Variants in LBH observed in about 807,000 individuals in gnomAD.
LBH encodes LBH regulator of Wnt signaling pathway.
A neutral mutation model predicts 12.5 loss-of-function variants in LBH; 7 were observed. The ratio of observed to expected loss-of-function variants is 0.56; its 90% CI spans 0.32 to 1.05. The LOEUF is 1.05. Ranked by LOEUF, LBH falls within the 50% of genes least tolerant of loss-of-function variation. The probability of loss-of-function intolerance (pLI) is 0.04; values close to 1 mark genes in which losing one functional copy is unlikely to be tolerated. For missense variants in LBH, 119 were observed against 138.9 expected (o/e 0.86, Z 0.72); for synonymous variants, 51 against 50.1 (o/e 1.02, Z -0.08).
Position 30,257,491 on chromosome 2 carries a change from C to G in LBH, c.188C>G (p.Ser63Cys). ...RCCKLKDRLP[S>C]IVVEPTEGEV... ...TGCAAACTGAAGGACCGTCTGCCCT[C>G]CATAGTGGTGGAACCCACAGAAGGG... The change falls in exon 3 of 3, where the codon TCC (serine) becomes TGC (cysteine). Residue 63 changes from serine to cysteine, a missense_variant. Coordinates refer to ENST00000395323, the MANE Select transcript of LBH (RefSeq NM_030915.4). 1.2e-6 allele frequency: 2 copies of G among 1,614,238 alleles called. No individual in the cohort carries two copies. The highest frequency in any genetic ancestry group is 1.7e-6 in the Non-Finnish European group (2 of 1,180,030).
chr2:30,232,359 G>C (rs1268166757), intron 1 of LBH: 1 of 1,086,126 alleles, frequency 9.2e-7, no homozygotes, highest in Non-Finnish European at 1.2e-6. Flanking sequence ...GACGCACATT[G>C]GTGGGGGCCG....
chr2:30,242,522 C>T (rs569101306), intron 2 of LBH, among the ~76,000 whole-genome samples: 11 of 152,196 alleles, frequency 7.2e-5, no homozygotes, highest in African/African-American at 2.2e-4. Context: ...GGATTACAGG[C>T]GTGAGCCACC....
chr2:30,242,259 T>G (rs1189228209), intron 2 of LBH, among the ~76,000 whole-genome samples: 1 of 152,072 alleles, frequency 6.6e-6, no homozygotes, highest in African/African-American at 2.4e-5. Context: ...CTTTTTTTTT[T>G]TGGAGATAGA....
At chr2:30,232,001 C>A (rs926461680) in intron 1 of LBH, among the ~76,000 whole-genome samples, 2 of 151,850 alleles carry the variant, frequency 1.3e-5, no homozygotes, top group African/African-American at 4.8e-5. Context: ...ACCTAAGTGA[C>A]GGCCGGAGGG....
chr2:30,233,410 T>A (rs1316124485), intron 1 of LBH, among the ~76,000 whole-genome samples: 2 of 152,212 alleles, frequency 1.3e-5, no homozygotes, highest in Non-Finnish European at 2.9e-5. Context: ...ATCTATGTAG[T>A]AACCATACAA....
chr2:30,238,784 C>T (rs1677733419), intron 2 of LBH, among the ~76,000 whole-genome samples: 1 of 152,096 alleles, frequency 6.6e-6, no homozygotes, highest in Non-Finnish European at 1.5e-5. Context: ...GTCTGAAGGA[C>T]CATTGTGGGT....
chr2:30,246,768 C>CTTTCTCTTTCTT (rs1553334693), intron 2 of LBH, among the ~76,000 whole-genome samples: 8 of 147,846 alleles, frequency 5.4e-5, no homozygotes, highest in African/African-American at 1.7e-4. Context: ...TTCCTTCTTT[C>CTTTCTCTTTCTT]TCTTTCTTTC....
chr2:30,251,015 T>C (rs1459066669), intron 2 of LBH, among the ~76,000 whole-genome samples: 2 of 151,564 alleles, frequency 1.3e-5, no homozygotes, highest in Non-Finnish European at 2.9e-5. Flanking sequence ...AAAATAACAC[T>C]TTAGCCACCA....
intron 2 of LBH, among the ~76,000 whole-genome samples, chr2:30,250,026 A>C (rs977331498): frequency 5.3e-5 from 8 of 152,194 alleles, no homozygotes; most frequent in African/African-American, 1.7e-4. Context: ...CTCGGGAGGC[A>C]GCTGAGGCTC....
At chr2:30,239,780 C>A (rs1381281151) in intron 2 of LBH, among the ~76,000 whole-genome samples, 1 of 152,236 alleles carries the variant, frequency 6.6e-6, no homozygotes, top group African/African-American at 2.4e-5. Context: ...CCCGTGTCTG[C>A]ACATTCTGCC....
At chr2:30,242,128 T>G (rs981223994) in intron 2 of LBH, among the ~76,000 whole-genome samples, 3 of 152,236 alleles carry the variant, frequency 2.0e-5, no homozygotes, top group African/African-American at 7.2e-5. Flanking sequence ...TAAATCTTTG[T>G]GCATACTTTA....
chr2:30,258,679 G>C lies in LBH; in HGVS notation c.*1058G>C, dbSNP rs973051876. ...CCCAGCTGCAGTACTCACGCCCCAT[G>C]GGGGATCTTGGTCTGTTTTTCTTGT... On this transcript the variant is annotated 3_prime_UTR_variant, in exon 3 of 3. Coordinates refer to ENST00000395323, the MANE Select transcript of LBH (RefSeq NM_030915.4). The C allele has an allele frequency of 6.6e-6, 1 of 152,506 alleles. No individual in the cohort carries two copies. Among genetic ancestry groups the C allele is most frequent in the African/African-American group, 2.4e-5 (1 of 41,464 alleles). The allele number at this position is 152,506 out of a possible 1,614,324, so 9.4% of individuals were successfully genotyped here.
chr2:30,238,999 C>T (rs1174431209), intron 2 of LBH, among the ~76,000 whole-genome samples: 1 of 150,996 alleles, frequency 6.6e-6, no homozygotes, highest in Non-Finnish European at 1.5e-5. Context: ...AAGCGATTCT[C>T]CTGCTTCAGC....
chr2:30,250,165 A>T (rs1256744842), intron 2 of LBH, among the ~76,000 whole-genome samples: 1 of 152,080 alleles, frequency 6.6e-6, no homozygotes, highest in Non-Finnish European at 1.5e-5. Flanking sequence ...GTTTGGGCTG[A>T]TTGTTCTTAC....
At chr2:30,254,062 G>A (rs886306160) in intron 2 of LBH, among the ~76,000 whole-genome samples, 1 of 152,136 alleles carries the variant, frequency 6.6e-6, no homozygotes, top group African/African-American at 2.4e-5. Flanking sequence ...TGTGCTTCAG[G>A]TTTCTTATCC....
chr2:30,236,665 C>G (rs988162068), intron 2 of LBH, among the ~76,000 whole-genome samples: 7 of 152,200 alleles, frequency 4.6e-5, no homozygotes. Context: ...CTGTGCTGGC[C>G]TCTGTGCCCA....
In LBH at chr2:30,259,182, T is replaced by A. The variant is rs1381592421; in HGVS notation, c.*1561T>A. On this transcript the variant is annotated 3_prime_UTR_variant, in exon 3 of 3. Coordinates refer to ENST00000395323, the MANE Select transcript of LBH (RefSeq NM_030915.4). ...AGGTTGACCCTCAGTTCTGGACGTG[T>A]GTATATAGCTGTATTTAATACCTCA... 6.5e-6 allele frequency: 1 copy of A among 152,696 alleles called. No individual in the cohort carries two copies. The highest frequency in any genetic ancestry group is 1.5e-5 in the Non-Finnish European group (1 of 68,076). The allele number at this position is 152,696 out of a possible 1,614,324, so 9.5% of individuals were successfully genotyped here.
chr2:30,254,245 A>G (rs1678040151), intron 2 of LBH, among the ~76,000 whole-genome samples: 1 of 152,232 alleles, frequency 6.6e-6, no homozygotes, highest in Admixed American at 6.5e-5. Context: ...GAGATTAACA[A>G]TGATAGCTAA....
At chr2:30,242,385 A>G (rs1677805463) in intron 2 of LBH, among the ~76,000 whole-genome samples, 1 of 152,102 alleles carries the variant, frequency 6.6e-6, no homozygotes, top group East Asian at 1.9e-4. Flanking sequence ...CTGAGATTAC[A>G]GGCGAGTGCC....
Sources: allele counts gnomAD v4.1 joint callset (sites outside exome capture counted in the v4.1 genomes callset), GRCh38; gene constraint gnomAD v4.1.1; transcripts MANE v1.5; gene names NCBI Gene and HGNC (gene_info 2026-07-23, HGNC 2026-07-21).